The following DST variants were observed in gnomAD, a reference collection of about 807,000 sequenced individuals.
DST encodes bullous pemphigoid antigen.
Under a neutral mutation model 875.2 loss-of-function variants are expected in DST, and 253 were observed. The observed-to-expected ratio is 0.29, with a 90% confidence interval of 0.26 to 0.32. The LOEUF (loss-of-function observed/expected upper bound fraction) is 0.32. Ranked by LOEUF, DST falls within the 10% of genes least tolerant of loss-of-function variation. The pLI, the probability that DST is intolerant of heterozygous loss-of-function variation, is 1.00. For missense variants in DST, 8,287 were observed against 9,111.6 expected, an observed-to-expected ratio of 0.91 and a Z score of 3.68; for synonymous variants, 3,124 against 3,197.1, an observed-to-expected ratio of 0.98 and a Z score of 0.77.
chr6:56,722,368 G>GTTTGTTTGTTTATTTA (rs376637331), intron 5 of DST, among the ~76,000 whole-genome samples: 1,963 of 150,676 alleles, frequency 0.013, 41 homozygotes, highest in African/African-American at 0.045. Flanking sequence ...GTACATGTTT[G>GTTTGTTTGTTTATTTA]TTTATTTATT....
chr6:56,598,791 A>G (rs1271591506), intron 45 of DST, 82 bp from the exon 46 acceptor site: 2 of 791,194 alleles, frequency 2.5e-6, no homozygotes, highest in African/African-American at 1.8e-5. Flanking sequence ...TAAAAGACAG[A>G]GTGAGTACAG....
intron 61 of DST, among the ~76,000 whole-genome samples, chr6:56,546,174 T>C (rs2097216538): frequency 6.6e-6 from 1 of 151,508 alleles, no homozygotes; most frequent in African/African-American, 2.4e-5. Flanking sequence ...GATGTGAACC[T>C]TAGTTAATAT....
chr6:56,552,426 A>G lies in DST; in HGVS notation c.16366T>C (p.Ser5456Pro), dbSNP rs2097340277. ...CTTTTGATTCCAACAAGGTCAGGAG[A>G]GGTTTCTTCTGTGGCTAACATCATC... ...CKMMLATEETSPDLVGIKRDL... is the reference protein window; with the variant it reads ...CKMMLATEETPPDLVGIKRDL... The change falls in exon 61 of 104, where the codon TCT becomes CCT. Residue 5456 changes from serine (S) to proline (P), a missense_variant. Ser to Pro is a moderately conservative substitution (Grantham distance 74). Coordinates refer to ENST00000680361, the MANE Select transcript of DST (RefSeq NM_001374736.1). 6.2e-7 allele frequency: 1 copy of G among 1,613,746 alleles called. No individual in the cohort carries two copies.
rs1588883192 is a variant in DST at position 56,702,109 on chromosome 6, A to G, written c.877-144T>C. Reference sequence around the variant, plus strand: ...CCATAAGATTTTCTAAGAAGGTTTCAATTTCTTTATATTGTCTGAGATTGA... The same window carrying G: ...CCATAAGATTTTCTAAGAAGGTTTCGATTTCTTTATATTGTCTGAGATTGA... On this transcript the variant is annotated intron_variant, in intron 7 of 103. Coordinates refer to ENST00000680361, the MANE Select transcript of DST (RefSeq NM_001374736.1). 5.6e-6 allele frequency: 3 copies of G among 539,766 alleles called. No homozygotes were observed. In the South Asian group the frequency reaches 9.4e-5, roughly 17 times the overall value. The allele number at this position is 539,766 out of a possible 1,614,324, so 33.4% of individuals were successfully genotyped here. A position where few individuals can be genotyped will look rare whatever the true frequency, so the allele number is the denominator to read the frequency against.
At chr6:56,678,527 C>G (rs949477981) in intron 9 of DST, among the ~76,000 whole-genome samples, 1 of 152,056 alleles carries the variant, frequency 6.6e-6, no homozygotes, top group African/African-American at 2.4e-5. Context: ...TAGAGAAAAA[C>G]GAAGAGTAGT....
chr6:56,522,740 A>G (rs528605532), intron 69 of DST, among the ~76,000 whole-genome samples: 2 of 152,264 alleles, frequency 1.3e-5, no homozygotes, highest in East Asian at 1.9e-4. Flanking sequence ...CACTTACATA[A>G]GCCAAGCAAT....
At chr6:56,876,106 C>T (rs1159298390) in intron 3 of DST, among the ~76,000 whole-genome samples, 1 of 152,142 alleles carries the variant, frequency 6.6e-6, no homozygotes, top group African/African-American at 2.4e-5. Context: ...CGGAGGGAAA[C>T]ATCATCCAAT....
chr6:56,853,294 C>G (rs951302557), intron 3 of DST, among the ~76,000 whole-genome samples: 3 of 152,184 alleles, frequency 2.0e-5, no homozygotes, highest in African/African-American at 7.2e-5. Context: ...TGTATTGTAG[C>G]TACAATCCAT....
At chr6:56,715,143 T>G (rs2099390473) in intron 5 of DST, among the ~76,000 whole-genome samples, 1 of 152,170 alleles carries the variant, frequency 6.6e-6, no homozygotes, top group Non-Finnish European at 1.5e-5. Context: ...TGTGGGCTCT[T>G]GAATGCCTGC....
Position 56,471,194 on chromosome 6 carries a change from A to C in DST, c.22233T>G (p.Ser7411=), listed in dbSNP as rs1382023889. The C allele has an allele frequency of 6.2e-7, 1 of 1,606,590 alleles. No individual in the cohort carries two copies. Among genetic ancestry groups the C allele is most frequent in the Admixed American group, 1.7e-5 (1 of 59,046 alleles). The change falls in exon 95 of 104, where the codon TCT becomes TCG. Residue 7411 remains serine (S), a synonymous_variant. Coordinates refer to ENST00000680361, the MANE Select transcript of DST (RefSeq NM_001374736.1). Reference sequence around the variant, plus strand: ...TTCTCCTGAAGAAGTCCATCACTCGAGATTTCTTGTGATTCATCCATCGCA... The same window carrying C: ...TTCTCCTGAAGAAGTCCATCACTCGCGATTTCTTGTGATTCATCCATCGCA... ...KYMRWMNHKK[S]RVMDFFRRID...
chr6:56,925,691 C>A (rs1554262494), intron 2 of DST, among the ~76,000 whole-genome samples: 1 of 152,204 alleles, frequency 6.6e-6, no homozygotes, highest in Non-Finnish European at 1.5e-5. Context: ...TAAACATAAT[C>A]CCAAGTTCTC....
intron 12 of DST, among the ~76,000 whole-genome samples, chr6:56,649,019 A>T (rs947006833): frequency 2.0e-5 from 3 of 152,228 alleles, no homozygotes; most frequent in Non-Finnish European, 4.4e-5. Flanking sequence ...TGGGGTGTTT[A>T]CCAGGGCTCA....
chr6:56,779,225 G>A (rs1043822352), intron 4 of DST, among the ~76,000 whole-genome samples: 1 of 151,956 alleles, frequency 6.6e-6, no homozygotes, highest in Non-Finnish European at 1.5e-5. Context: ...ACTTTTTGAT[G>A]GGGTTGTTTG....
chr6:56,469,010 T>C lies in DST; in HGVS notation c.22552-11A>G, dbSNP rs1292494915. On this transcript the variant is annotated splice_polypyrimidine_tract_variant and intron_variant, in intron 97 of 103. Coordinates refer to ENST00000680361, the MANE Select transcript of DST (RefSeq NM_001374736.1). ...ATTTCCCAGGAAGAACTGATAAAAA[T>C]GAAAAATGGAAGAAAGACACAATTA... The C allele has an allele frequency of 3.8e-6, 6 of 1,572,982 alleles. No individual in the cohort carries two copies. Among genetic ancestry groups the C allele is most frequent in the Middle Eastern group, 1.7e-4 (1 of 6,010 alleles).
chr6:56,621,202 A>G (rs113664757), intron 36 of DST, among the ~76,000 whole-genome samples: 3,374 of 152,324 alleles, frequency 0.022, 106 homozygotes, highest in African/African-American at 0.076. Flanking sequence ...TTTCTAACCT[A>G]ATAGAAATTA....
chr6:56,466,795 A>T (rs559843046), intron 98 of DST: 1 of 152,348 alleles, frequency 6.6e-6, no homozygotes, highest in East Asian at 1.9e-4. Flanking sequence ...CTGGTAAACC[A>T]ATTTGTTAAA....
Position 56,605,726 on chromosome 6 carries a change from C to G in DST, c.8902G>C (p.Glu2968Gln). 2 of 1,612,906 alleles carry G rather than the reference C, an allele frequency of 1.2e-6. No individual in the cohort carries two copies. Among genetic ancestry groups the G allele is most frequent in the Non-Finnish European group, 1.7e-6 (2 of 1,179,370 alleles). Residue 2968 changes from glutamate (E) to glutamine (Q), a missense_variant, in exon 40 of 104, where the codon GAA becomes CAA. Glu to Gln is a conservative substitution (Grantham distance 29, BLOSUM62 2). Transcript: ENST00000680361. ...ACAGAATCAGTCAATTCTGGCAATTCTGACCCTTGAATCAACTTAACCTTT... is the reference window on the plus strand; with the variant it reads ...ACAGAATCAGTCAATTCTGGCAATTGTGACCCTTGAATCAACTTAACCTTT... ...NTKVKLIQGSELPELTDSVKG... is the reference protein window; with the variant it reads ...NTKVKLIQGSQLPELTDSVKG...
At chr6:56,770,079 T>C (rs990322350) in intron 4 of DST, among the ~76,000 whole-genome samples, 1 of 152,204 alleles carries the variant, frequency 6.6e-6, no homozygotes, top group Non-Finnish European at 1.5e-5. Flanking sequence ...TCTCATTGCA[T>C]ATGAATCTGC....
Position 56,458,925 on chromosome 6 carries a change from A to G in DST, c.*80T>C. ...AACTCGCCTCTTGCAATATTTCACA[A>G]GAATTTCTACACCATATTTTACATC... is the stretch of plus-strand genomic sequence containing the variant. On this transcript the variant is annotated 3_prime_UTR_variant, in exon 104 of 104. Coordinates refer to ENST00000680361, the MANE Select transcript of DST (RefSeq NM_001374736.1). The G allele has an allele frequency of 7.2e-7, 1 of 1,381,740 alleles. No individual in the cohort carries two copies. Among genetic ancestry groups the G allele is most frequent in the Non-Finnish European group, 9.5e-7 (1 of 1,050,722 alleles). The allele number at this position is 1,381,740 out of a possible 1,614,324, so 85.6% of individuals were successfully genotyped here. A position where few individuals can be genotyped will look rare whatever the true frequency, so the allele number is the denominator to read the frequency against.
Sources: gnomAD v4.1 joint callset for allele counts (sites outside exome capture counted in the v4.1 genomes callset) on GRCh38, gnomAD v4.1.1 for gene constraint, MANE v1.5 for transcripts, NCBI Gene and HGNC (gene_info 2026-07-23, HGNC 2026-07-21) for gene names.